The following SAMMSON variants were observed in gnomAD, a reference collection of about 807,000 sequenced individuals.
SAMMSON encodes the protein survival associated mitochondrial melanoma specific oncogenic non-coding RNA.
At chr3:70,269,257 A>C (rs1701952433) in intron 6 of SAMMSON, among the ~76,000 whole-genome samples, 1 of 152,232 alleles carries the variant, frequency 6.6e-6, no homozygotes, top group South Asian at 2.1e-4. Flanking sequence ...AGAACCAATA[A>C]ATTCCAAAAA....
intron 4 of SAMMSON, among the ~76,000 whole-genome samples, chr3:70,228,574 A>G (rs1343141994): frequency 1.3e-5 from 2 of 151,424 alleles, no homozygotes; most frequent in African/African-American, 4.8e-5. Flanking sequence ...AGTAAATGAA[A>G]GGAAAATATT....
At chr3:70,278,790 C>G (rs1011620824) in intron 6 of SAMMSON, among the ~76,000 whole-genome samples, 2 of 152,084 alleles carry the variant, frequency 1.3e-5, no homozygotes, top group Non-Finnish European at 2.9e-5. Flanking sequence ...AACAAAGTCA[C>G]TTATGTTTCC....
At chr3:70,340,681 A>G (rs969634354) in intron 7 of SAMMSON, among the ~76,000 whole-genome samples, 1 of 152,122 alleles carries the variant, frequency 6.6e-6, no homozygotes, top group Non-Finnish European at 1.5e-5. Context: ...ACAACATTCC[A>G]TACCTGTTGT....
chr3:70,316,227 T>G (rs1702493501), intron 7 of SAMMSON, among the ~76,000 whole-genome samples: 1 of 152,184 alleles, frequency 6.6e-6, no homozygotes, highest in Non-Finnish European at 1.5e-5. Flanking sequence ...ATTAAATGCA[T>G]GAAGCTAGAG....
intron 7 of SAMMSON, among the ~76,000 whole-genome samples, chr3:70,306,990 T>TAG (rs1424655977): frequency 2.6e-5 from 4 of 152,058 alleles, no homozygotes; most frequent in South Asian, 2.1e-4. Context: ...TATTTATATA[T>TAG]ATAGAGAGAG....
chr3:70,112,066 G>A (rs115183568), intron 4 of SAMMSON, among the ~76,000 whole-genome samples: 4,186 of 152,168 alleles, frequency 0.028, 78 homozygotes, highest in Non-Finnish European at 0.044. Context: ...TGAAAGATAC[G>A]AATCTTCAGA....
At chr3:70,093,073 C>T (rs2067310751) in intron 4 of SAMMSON, among the ~76,000 whole-genome samples, 1 of 151,992 alleles carries the variant, frequency 6.6e-6, no homozygotes, top group Admixed American at 6.6e-5. Context: ...TTTGCTGATC[C>T]TCATATTTCA....
chr3:70,216,322 TATATATATATATAAACTTG>T (rs1260535834), intron 4 of SAMMSON, among the ~76,000 whole-genome samples: 6 of 149,816 alleles, frequency 4.0e-5, no homozygotes, highest in African/African-American at 1.2e-4. Context: ...AATTATAATT[TATATATATATATAAACTTG>T]TAGTGCTTCC....
At chr3:70,224,101 T>C (rs952947304) in intron 4 of SAMMSON, among the ~76,000 whole-genome samples, 5 of 152,144 alleles carry the variant, frequency 3.3e-5, no homozygotes, top group African/African-American at 1.2e-4. Flanking sequence ...AAAATCCAAA[T>C]CCCTGTGTGT....
At chr3:70,023,165 T>A (rs894963803) in intron 3 of SAMMSON, among the ~76,000 whole-genome samples, 1 of 152,084 alleles carries the variant, frequency 6.6e-6, no homozygotes, top group Non-Finnish European at 1.5e-5. Flanking sequence ...GAATCTTATA[T>A]GTTTCTTTAG....
chr3:70,399,209 T>A (rs576521379), intron 2 of SAMMSON, among the ~76,000 whole-genome samples: 2 of 152,190 alleles, frequency 1.3e-5, no homozygotes, highest in Non-Finnish European at 2.9e-5. Context: ...CGTTGTTTAT[T>A]TCCGTTTTAG....
intron 2 of SAMMSON, among the ~76,000 whole-genome samples, chr3:70,399,158 G>A (rs548244906): frequency 6.6e-6 from 1 of 152,056 alleles, no homozygotes; most frequent in Non-Finnish European, 1.5e-5. Context: ...TTCTCCTTTT[G>A]CTGGTTGGCA....
chr3:70,034,157 C>A (rs745558910), intron 3 of SAMMSON, among the ~76,000 whole-genome samples: 3 of 151,952 alleles, frequency 2.0e-5, no homozygotes, highest in Non-Finnish European at 4.4e-5. Context: ...AAAGCTGGGC[C>A]GTCTGTTTGA....
chr3:70,248,212 G>C (rs1361173160), intron 4 of SAMMSON, among the ~76,000 whole-genome samples: 1 of 152,050 alleles, frequency 6.6e-6, no homozygotes, highest in South Asian at 2.1e-4. Flanking sequence ...AAGCATTGTA[G>C]TTATGTGCTA....
intron 4 of SAMMSON, among the ~76,000 whole-genome samples, chr3:70,192,433 G>A (rs1273210747): frequency 1.3e-5 from 2 of 152,226 alleles, no homozygotes; most frequent in Non-Finnish European, 1.5e-5. Context: ...CATGGGCCCT[G>A]TGTAAGCGGC....
intron 4 of SAMMSON, among the ~76,000 whole-genome samples, chr3:70,128,176 C>A (rs1348366147): frequency 6.6e-6 from 1 of 152,176 alleles, no homozygotes; most frequent in Non-Finnish European, 1.5e-5. Flanking sequence ...CCGGCTGATC[C>A]TGACATTTGG....
intron 6 of SAMMSON, among the ~76,000 whole-genome samples, chr3:70,253,097 A>C (rs1701784949): frequency 6.6e-6 from 1 of 152,116 alleles, no homozygotes; most frequent in Non-Finnish European, 1.5e-5. Context: ...AAAAAAATCG[A>C]AGAGAAACTA....
chr3:70,198,502 G>T (rs1008040201), intron 4 of SAMMSON, among the ~76,000 whole-genome samples: 2 of 152,106 alleles, frequency 1.3e-5, no homozygotes, highest in Non-Finnish European at 2.9e-5. Flanking sequence ...TTTAAAGAAA[G>T]CCACTTTGGT....
intron 6 of SAMMSON, among the ~76,000 whole-genome samples, chr3:70,288,318 C>A (rs1702190044): frequency 1.8e-5 from 2 of 109,670 alleles, no homozygotes; most frequent in Non-Finnish European, 1.8e-5. Flanking sequence ...CATTATGTAC[C>A]CAGTAGTCAT....
Sources: gnomAD v4.1 joint callset for allele counts (sites outside exome capture counted in the v4.1 genomes callset) on GRCh38, gnomAD v4.1.1 for gene constraint, MANE v1.5 for transcripts, NCBI Gene and HGNC (gene_info 2026-07-23, HGNC 2026-07-21) for gene names.